Variants in ZNF44 observed in about 807,000 individuals in gnomAD.
ZNF44 encodes the protein zinc finger protein 44, also known as gonadotropin inducible transcription repressor-2.
Under a neutral mutation model 11.7 loss-of-function variants are expected in ZNF44, and 9 were observed. The observed-to-expected ratio is 0.77, with a 90% CI of 0.46 to 1.35. The LOEUF (loss-of-function observed/expected upper bound fraction) is 1.35. Among genes scored for constraint, ZNF44 ranks in the 40% most tolerant of loss-of-function variants. ZNF44 has a pLI of 0.00. For synonymous variants in ZNF44, 224 were observed against 242.7 expected (o/e 0.92, Z 0.72); for missense variants, 696 against 743.1 (o/e 0.94, Z 0.74).
intron 5 of ZNF44, chr19:12,260,483 C>A: frequency 1.5e-5 from 20 of 1,314,948 alleles, no homozygotes; most frequent in Non-Finnish European, 2.1e-5. Context: ...TCCTGTGCAG[C>A]CAGAAGCCTG....
At chr19:12,284,437 G>A (rs563880227) in intron 1 of ZNF44, 130 of 634,596 alleles carry the variant, frequency 2.0e-4, no homozygotes, top group Middle Eastern at 8.5e-4. Context: ...AGTGGCATCC[G>A]GGGCCGGGGC....
At chr19:12,230,230 C>T (rs1916102057) in intron 3 of ZNF44, among the ~76,000 whole-genome samples, 1 of 152,112 alleles carries the variant, frequency 6.6e-6, no homozygotes, top group Non-Finnish European at 1.5e-5. Context: ...TGTTTGGCAC[C>T]CATGTGGACT....
At chr19:12,245,133 TTTTC>T (rs1369694209), downstream of ZNF44, among the ~76,000 whole-genome samples, 37 of 152,336 alleles carry the variant, frequency 2.4e-4, 2 homozygotes, top group African/African-American at 6.3e-4. Flanking sequence ...TTCCTTTACA[TTTTC>T]TTTAACATTT....
At chr19:12,242,179 C>A (rs1278068941), upstream of ZNF44, among the ~76,000 whole-genome samples, 1 of 151,918 alleles carries the variant, frequency 6.6e-6, no homozygotes, top group African/African-American at 2.4e-5. Flanking sequence ...GGCATACTTA[C>A]AATGGTAAAT....
intron 5 of ZNF44, among the ~76,000 whole-genome samples, chr19:12,257,461 C>T (rs1917305661): frequency 6.6e-6 from 1 of 151,614 alleles, no homozygotes; most frequent in Non-Finnish European, 1.5e-5. Flanking sequence ...ACCAGCCTGG[C>T]CAACATGGTG....
At chr19:12,268,339 C>T (rs1186977879), downstream of ZNF44, among the ~76,000 whole-genome samples, 1 of 152,200 alleles carries the variant, frequency 6.6e-6, no homozygotes, top group Non-Finnish European at 1.5e-5. Flanking sequence ...TGTCCCAGCA[C>T]CATGTTGAAA....
At chr19:12,289,241 A>G (rs918743927) in intron 1 of ZNF44, among the ~76,000 whole-genome samples, 1 of 152,084 alleles carries the variant, frequency 6.6e-6, no homozygotes, top group African/African-American at 2.4e-5. Context: ...TGGGGAGGTC[A>G]AGGCTGCAGT....
chr19:12,261,218 G>C (rs1211124483), intron 5 of ZNF44, among the ~76,000 whole-genome samples: 1 of 152,248 alleles, frequency 6.6e-6, no homozygotes. Flanking sequence ...CATGACAGAG[G>C]AAGGATGCCC....
chr19:12,225,397 A>C (rs531088693), downstream of ZNF44: 24 of 152,262 alleles, frequency 1.6e-4, no homozygotes, highest in African/African-American at 5.8e-4. Context: ...CCAAACCAAG[A>C]ATCTGTTTGT....
intron 5 of ZNF44, among the ~76,000 whole-genome samples, chr19:12,264,061 T>G (rs555958990): frequency 6.6e-6 from 1 of 152,290 alleles, no homozygotes; most frequent in Admixed American, 6.5e-5. Flanking sequence ...CACCCCAGCC[T>G]GGGTGACAGA....
At chr19:12,251,587 G>T (rs1448454236) in intron 5 of ZNF44, among the ~76,000 whole-genome samples, 1 of 152,150 alleles carries the variant, frequency 6.6e-6, no homozygotes, top group Non-Finnish European at 1.5e-5. Context: ...GAGGAATAAA[G>T]CATGACAACT....
chr19:12,251,204 G>T (rs1297199725), intron 5 of ZNF44, among the ~76,000 whole-genome samples: 1 of 151,932 alleles, frequency 6.6e-6, no homozygotes, highest in African/African-American at 2.4e-5. Context: ...GGTGGTGCAT[G>T]CCTATAATTC....
intron 5 of ZNF44, among the ~76,000 whole-genome samples, chr19:12,258,522 C>G (rs539779052): frequency 1.3e-5 from 2 of 151,936 alleles, no homozygotes; most frequent in Non-Finnish European, 2.9e-5. Flanking sequence ...TAATTTGTAA[C>G]TGCCAAATAC....
intron 1 of ZNF44, among the ~76,000 whole-genome samples, chr19:12,279,165 A>G (rs1281905091): frequency 6.6e-6 from 1 of 152,232 alleles, no homozygotes; most frequent in East Asian, 1.9e-4. Context: ...AAGAACAGAG[A>G]CTTCAGTGTT....
In ZNF44 at chr19:12,279,356, A is replaced by G. The variant is rs138151918; in HGVS notation, c.4-3274T>C. 3.2e-3 allele frequency among the ~76,000 whole-genome samples: 491 copies of G among 152,280 alleles called. 3 individuals are homozygous for G. The highest frequency in any genetic ancestry group is 0.011 in the African/African-American group (463 of 41,538). On this transcript the variant is annotated intron_variant, in intron 1 of 3. Coordinates refer to ENST00000355684, the MANE Select transcript of ZNF44 (RefSeq NM_016264.4). ...GGCAACATAGTGAGATTCTGTCTCT[A>G]TTTAAAAAAAAGAAAAAGAAATGAA...
At chr19:12,287,027 A>C (rs1360946523) in intron 1 of ZNF44, among the ~76,000 whole-genome samples, 1 of 143,846 alleles carries the variant, frequency 7.0e-6, no homozygotes, top group African/African-American at 2.7e-5. Flanking sequence ...TTATATATAT[A>C]TATACACACA....
upstream of ZNF44, among the ~76,000 whole-genome samples, chr19:12,241,481 G>T (rs751075840): frequency 5.3e-5 from 8 of 152,212 alleles, no homozygotes; most frequent in African/African-American, 1.2e-4. Context: ...CCAGAGGTCA[G>T]GAGTCCAAGA....
At chr19:12,289,139 T>C (rs1967894833) in intron 1 of ZNF44, among the ~76,000 whole-genome samples, 1 of 151,774 alleles carries the variant, frequency 6.6e-6, no homozygotes, top group Non-Finnish European at 1.5e-5. Context: ...ACCCTGTCTC[T>C]ACAAAAAATA....
chr19:12,294,383 C>A (rs913201849), intron 1 of ZNF44, among the ~76,000 whole-genome samples: 1 of 152,230 alleles, frequency 6.6e-6, no homozygotes, highest in Non-Finnish European at 1.5e-5. Flanking sequence ...ACTTGGGCTG[C>A]GAACCTGTAC....
Sources: gnomAD v4.1 joint callset for allele counts (sites outside exome capture counted in the v4.1 genomes callset) on GRCh38, gnomAD v4.1.1 for gene constraint, MANE v1.5 for transcripts, NCBI Gene and HGNC (gene_info 2026-07-23, HGNC 2026-07-21) for gene names.